Variants in CHD9 observed in about 807,000 individuals in gnomAD.
CHD9 encodes ATP-dependent chromatin remodeler CHD9.
Under a neutral mutation model 316.1 loss-of-function variants are expected in CHD9, and 77 were observed. That is an observed-to-expected ratio of 0.24 (90% CI 0.20 to 0.29). The LOEUF (loss-of-function observed/expected upper bound fraction) is 0.29, where lower values mean the gene tolerates loss of function less well. CHD9 is among the 10% of genes least tolerant of loss of function. The probability of loss-of-function intolerance (pLI) is 1.00; values close to 1 mark genes in which losing one functional copy is unlikely to be tolerated. For synonymous variants in CHD9, 1,129 were observed against 1,158.3 expected, an observed-to-expected ratio of 0.97 and a Z score of 0.51; for missense variants, 2,763 against 3,438.1, an observed-to-expected ratio of 0.80 and a Z score of 4.91.
chr16:53,303,186 T>TG (rs1254235908), intron 30 of CHD9, among the ~76,000 whole-genome samples: 1 of 151,866 alleles, frequency 6.6e-6, no homozygotes, highest in East Asian at 1.9e-4. Context: ...TTATGAGTTT[T>TG]TTTTTTTTTT....
At chr16:53,279,598 T>C (rs1395755287) in intron 24 of CHD9, among the ~76,000 whole-genome samples, 1 of 152,068 alleles carries the variant, frequency 6.6e-6, no homozygotes, top group Non-Finnish European at 1.5e-5. Context: ...GAAAAACCCT[T>C]CTAGACATTG....
At chr16:53,138,073 T>G (rs965456544) in intron 1 of CHD9, among the ~76,000 whole-genome samples, 2 of 152,102 alleles carry the variant, frequency 1.3e-5, no homozygotes, top group African/African-American at 4.8e-5. Context: ...TTTTTGAGAT[T>G]AATAGAAATT....
At chr16:53,282,685 A>G (rs2053523204) in intron 24 of CHD9, among the ~76,000 whole-genome samples, 1 of 152,144 alleles carries the variant, frequency 6.6e-6, no homozygotes, top group South Asian at 2.1e-4. Context: ...AATCTACCAC[A>G]ATGCAGCTTC....
intron 19 of CHD9, among the ~76,000 whole-genome samples, chr16:53,256,676 G>A (rs1011786316): frequency 2.0e-5 from 3 of 148,130 alleles, no homozygotes; most frequent in African/African-American, 7.4e-5. Context: ...ATCAAGACAT[G>A]ATAAACTTAC....
chr16:53,313,484 T>G (rs1226115446), intron 34 of CHD9, among the ~76,000 whole-genome samples: 2 of 152,042 alleles, frequency 1.3e-5, no homozygotes, highest in Non-Finnish European at 2.9e-5. Context: ...TTTTGTATTT[T>G]TAGTAGAGAC....
chr16:53,287,123 T>TA (rs1225589176), intron 26 of CHD9, among the ~76,000 whole-genome samples: 1 of 152,162 alleles, frequency 6.6e-6, no homozygotes, highest in East Asian at 1.9e-4. Flanking sequence ...CATGCCCAGC[T>TA]AATTTTCTTG....
At chr16:53,268,316 A>C (rs1222732942) in intron 22 of CHD9, among the ~76,000 whole-genome samples, 190 bp downstream of exon 22, 1 of 152,210 alleles carries the variant, frequency 6.6e-6, no homozygotes, top group Non-Finnish European at 1.5e-5. Flanking sequence ...TTTTGTTATC[A>C]AATACGTATC....
chr16:53,304,060 A>T lies in CHD9; in HGVS notation c.6054A>T (p.Gln2018His). Residue 2018 changes from glutamine to histidine, a missense_variant, in exon 31 of 39, where the codon CAA (glutamine) becomes CAT (histidine). Gln to His is a conservative substitution (Grantham distance 24). This residue lies in a region of CHD9 where 663 missense variants were observed against 751.2 expected (regional missense o/e 0.88). Coordinates refer to ENST00000447540, the MANE Select transcript of CHD9 (RefSeq NM_001308319.2). ...HSRTSTPLLQ[Q>H]YQVALSASPL... Reference sequence around the variant, plus strand: ...GGACTTCTACCCCACTTCTACAGCAATATCAAGTAGCACTTTCTGCTTCTC... The same window carrying T: ...GGACTTCTACCCCACTTCTACAGCATTATCAAGTAGCACTTTCTGCTTCTC... 4.3e-6 allele frequency: 7 copies of T among 1,614,032 alleles called. No individual in the cohort carries two copies. Among genetic ancestry groups the T allele is most frequent in the Non-Finnish European group, 5.1e-6 (6 of 1,179,890 alleles).
intron 34 of CHD9, among the ~76,000 whole-genome samples, chr16:53,309,662 C>T (rs1013043411): frequency 9.2e-5 from 14 of 152,114 alleles, no homozygotes; most frequent in Admixed American, 1.3e-4. Flanking sequence ...GAGATAGTGT[C>T]TCACTATGTT....
chr16:53,298,084 A>G (rs1402297824), intron 30 of CHD9: 2 of 152,234 alleles, frequency 1.3e-5, no homozygotes, highest in African/African-American at 4.8e-5. Flanking sequence ...TTCTAGTTTT[A>G]AAAGGGAAAG....
chr16:53,070,797 G>A (rs766065813), intron 1 of CHD9, among the ~76,000 whole-genome samples: 5 of 152,058 alleles, frequency 3.3e-5, no homozygotes, highest in South Asian at 2.1e-4. Flanking sequence ...CAAGTGATCC[G>A]CCTGTCTTGG....
intron 1 of CHD9, among the ~76,000 whole-genome samples, chr16:53,110,261 C>A (rs2037760084): frequency 1.3e-5 from 2 of 152,088 alleles, no homozygotes; most frequent in South Asian, 4.1e-4. Flanking sequence ...AGAAGACAAT[C>A]CAGTTTCAAA....
At chr16:53,268,851 A>G (rs1268918949) in intron 22 of CHD9, among the ~76,000 whole-genome samples, 2 of 152,154 alleles carry the variant, frequency 1.3e-5, no homozygotes, top group Non-Finnish European at 2.9e-5. Context: ...CCCCCAGGCT[A>G]GAGTACAGTG....
intron 2 of CHD9, among the ~76,000 whole-genome samples, chr16:53,162,897 G>T (rs1597228268): frequency 6.7e-6 from 1 of 149,830 alleles, no homozygotes; most frequent in African/African-American, 2.5e-5. Context: ...CAGTTCTCCT[G>T]CCTGAGCCTC....
intron 1 of CHD9, among the ~76,000 whole-genome samples, chr16:53,113,347 T>A (rs1331804051): frequency 6.6e-6 from 1 of 150,484 alleles, no homozygotes; most frequent in Non-Finnish European, 1.5e-5. Context: ...TCTCTCTGTT[T>A]TACAAGAATC....
At chr16:53,300,831 TGC>T (rs2055322454) in intron 30 of CHD9, among the ~76,000 whole-genome samples, 1 of 152,164 alleles carries the variant, frequency 6.6e-6, no homozygotes, top group African/African-American at 2.4e-5. Context: ...TCAGGCCAGA[TGC>T]GGTGGCTCAC....
chr16:53,061,459 C>T (rs867892873), intron 1 of CHD9, among the ~76,000 whole-genome samples: 26 of 152,072 alleles, frequency 1.7e-4, no homozygotes, highest in East Asian at 5.8e-4. Flanking sequence ...AAGCAGATCA[C>T]GAGAAAAGGA....
intron 34 of CHD9, chr16:53,310,673 C>G (rs2056385550): frequency 6.6e-6 from 1 of 150,678 alleles, no homozygotes; most frequent in African/African-American, 2.4e-5. Context: ...CATGGTGAAA[C>G]CCTGTCTGTA....
rs1008981387 is a variant in CHD9 at position 53,209,865 on chromosome 16, C to A, written c.1784+52C>A. ...TTCCTTTCAATGTTCTGTTAAAGTTCAAACTGTCCAACCATCTACTTTTGA... is the reference window on the plus strand; with the variant it reads ...TTCCTTTCAATGTTCTGTTAAAGTTAAAACTGTCCAACCATCTACTTTTGA... On this transcript the variant is annotated intron_variant, in intron 3 of 38. Transcript: ENST00000447540. 19 of 1,244,764 alleles carry A rather than the reference C, an allele frequency of 1.5e-5. No individual in the cohort carries two copies. In the Admixed American group the frequency reaches 4.7e-4, roughly 31 times the overall value. The allele number at this position is 1,244,764 out of a possible 1,614,324, so 77.1% of individuals were successfully genotyped here.
Sources: allele counts gnomAD v4.1 joint callset (sites outside exome capture counted in the v4.1 genomes callset), GRCh38; gene constraint gnomAD v4.1.1; regional missense constraint gnomAD v4.1.1; transcripts MANE v1.5; gene names NCBI Gene and HGNC (gene_info 2026-07-23, HGNC 2026-07-21).